The following ADD3 variants were observed in gnomAD, a reference collection of about 807,000 sequenced individuals.
ADD3 encodes the protein gamma-adducin.
A neutral mutation model predicts 80.2 loss-of-function variants in ADD3; 25 were observed. The ratio of observed to expected loss-of-function variants is 0.31; its 90% confidence interval spans 0.23 to 0.44. The LOEUF is 0.44. Among genes scored for constraint, ADD3 ranks in the 20% least tolerant of loss-of-function variants. The probability of loss-of-function intolerance (pLI) is 1.00; values close to 1 mark genes in which losing one functional copy is unlikely to be tolerated. For synonymous variants in ADD3, 284 were observed against 289.6 expected (o/e 0.98, Z 0.20); for missense variants, 829 against 847.5 (o/e 0.98, Z 0.27).
Position 110,116,397 on chromosome 10 carries a change from A to G in ADD3, c.473A>G (p.Asn158Ser). 6.2e-7 allele frequency: 1 copy of G among 1,614,082 alleles called. No individual in the cohort carries two copies. Among genetic ancestry groups the G allele is most frequent in the Non-Finnish European group, 8.5e-7 (1 of 1,179,968 alleles). Residue 158 changes from asparagine to serine, a missense_variant, in exon 4 of 15, where the codon AAT becomes AGT. Physicochemically the swap from Asn to Ser is conservative, Grantham distance 46. Coordinates refer to ENST00000356080, the MANE Select transcript of ADD3 (RefSeq NM_016824.5). ...VDLFGWAHLA[N>S]TYISVRISKE... The stretch of plus-strand genomic sequence containing the variant: ...TTGTTTGGATGGGCACACCTGGCAA[A>G]TACCTATATCTCAGTGAGTTCTTCA...
At chr10:110,059,564 C>T (rs373968369) in intron 1 of ADD3, among the ~76,000 whole-genome samples, 1 of 151,180 alleles carries the variant, frequency 6.6e-6, no homozygotes, top group African/African-American at 2.4e-5. Context: ...AGTTCGAGAA[C>T]AGCCTGGCCA....
At chr10:110,117,125 G>A (rs1381427719) in intron 4 of ADD3, among the ~76,000 whole-genome samples, 1 of 152,038 alleles carries the variant, frequency 6.6e-6, no homozygotes, top group Non-Finnish European at 1.5e-5. Context: ...ACACTTTTAG[G>A]TAAGTCCAGT....
At chr10:110,117,553 A>G (rs1850892305) in intron 5 of ADD3, 131 bp downstream of exon 5, 2 of 603,902 alleles carry the variant, frequency 3.3e-6, no homozygotes, top group Non-Finnish European at 5.9e-6. Context: ...AGTGAAGGGA[A>G]TTTGAACTAT....
chr10:110,075,907 T>A (rs1455694166), intron 1 of ADD3, among the ~76,000 whole-genome samples: 2 of 152,180 alleles, frequency 1.3e-5, no homozygotes, highest in Non-Finnish European at 2.9e-5. Flanking sequence ...CAACAGCCCC[T>A]CACTAGGGTC....
intron 1 of ADD3, among the ~76,000 whole-genome samples, chr10:110,031,188 C>T (rs1854973877): frequency 6.6e-6 from 1 of 152,174 alleles, no homozygotes; most frequent in African/African-American, 2.4e-5. Context: ...GCAGGAGAAT[C>T]CCTTGAACCC....
At chr10:110,121,589 A>C (rs1851506172) in intron 8 of ADD3, among the ~76,000 whole-genome samples, 2 of 152,218 alleles carry the variant, frequency 1.3e-5, no homozygotes, top group African/African-American at 2.4e-5. Context: ...ACTAAAAAAA[A>C]ACTTTTTCTA....
chr10:110,051,150 TAAACTC>T (rs1479026349), intron 1 of ADD3, among the ~76,000 whole-genome samples: 7 of 152,074 alleles, frequency 4.6e-5, no homozygotes, highest in African/African-American at 1.2e-4. Flanking sequence ...CATACAAAAA[TAAACTC>T]AAAATGGATC....
At chr10:110,041,787 A>G (rs1001882965) in intron 1 of ADD3, among the ~76,000 whole-genome samples, 11 of 152,208 alleles carry the variant, frequency 7.2e-5, no homozygotes, top group African/African-American at 2.7e-4. Flanking sequence ...GTTACTTGCA[A>G]TAGATACCTG....
intron 1 of ADD3, among the ~76,000 whole-genome samples, chr10:110,008,575 G>A (rs992123188): frequency 6.6e-6 from 1 of 152,172 alleles, no homozygotes; most frequent in Admixed American, 6.5e-5. Context: ...CGGCGCCGCC[G>A]GGTGGGCCCG....
intron 1 of ADD3, among the ~76,000 whole-genome samples, chr10:110,068,295 C>A (rs1334364135): frequency 6.6e-6 from 1 of 152,184 alleles, no homozygotes; most frequent in South Asian, 2.1e-4. Context: ...ACCTCCCCCC[C>A]TCCTTTCTCT....
chr10:110,126,452 A>G lies in ADD3; in HGVS notation c.1557A>G (p.Ala519=). Residue 519 remains alanine (A), a synonymous_variant, in exon 12 of 15, where the codon GCA becomes GCG. Coordinates refer to ENST00000356080, the MANE Select transcript of ADD3 (RefSeq NM_016824.5). ...REQNRYDLKT[A]GPQSQLLAGI... Reference sequence around the variant, plus strand: ...AAAATCGATATGACTTGAAAACAGCAGGACCACAATCTCAGTTGCTTGCTG... The same window carrying G: ...AAAATCGATATGACTTGAAAACAGCGGGACCACAATCTCAGTTGCTTGCTG... 6.2e-7 allele frequency: 1 copy of G among 1,613,746 alleles called. No homozygotes were observed. Among genetic ancestry groups the G allele is most frequent in the Non-Finnish European group, 8.5e-7 (1 of 1,179,948 alleles).
chr10:110,028,115 C>T (rs1854525042), intron 1 of ADD3, among the ~76,000 whole-genome samples: 1 of 152,124 alleles, frequency 6.6e-6, no homozygotes, highest in African/African-American at 2.4e-5. Context: ...TATGAGATGA[C>T]ATACGTAAAG....
upstream of ADD3, among the ~76,000 whole-genome samples, chr10:110,005,072 T>A (rs918567304): frequency 2.0e-5 from 3 of 151,434 alleles, no homozygotes; most frequent in African/African-American, 7.3e-5. Context: ...TTTTATTTTA[T>A]TTTTTTTTGA....
At chr10:110,093,420 C>T (rs1847792392) in intron 1 of ADD3, among the ~76,000 whole-genome samples, 1 of 152,122 alleles carries the variant, frequency 6.6e-6, no homozygotes, top group South Asian at 2.1e-4. Context: ...CAGCCCTCAA[C>T]TCTTTTAATA....
chr10:110,060,934 A>G (rs1463925994), intron 1 of ADD3, among the ~76,000 whole-genome samples: 1 of 152,232 alleles, frequency 6.6e-6, no homozygotes, highest in Non-Finnish European at 1.5e-5. Flanking sequence ...CACATTCTGT[A>G]TGACCTTAGA....
rs185480644 is a variant in ADD3 at position 110,100,668 on chromosome 10, C to T, written c.15C>T (p.Ala5=). ...AGACTTAAAACATGAGCTCAGATGC[C>T]AGCCAAGGCGTGATTACCACTCCTC... MSSD[A]SQGVITTPPP... is the part of the protein sequence containing the mutation. Residue 5 remains alanine (A), a synonymous_variant, in exon 2 of 15, where the codon GCC becomes GCT. Transcript: ENST00000356080. 7 of 1,608,342 alleles carry T rather than the reference C, an allele frequency of 4.4e-6. No individual in the cohort carries two copies. The Admixed American group carries it at 1.2e-4, about 27-fold the overall frequency.
At chr10:110,103,747 A>G (rs755364215) in intron 2 of ADD3, among the ~76,000 whole-genome samples, 5 of 152,112 alleles carry the variant, frequency 3.3e-5, no homozygotes, top group Admixed American at 2.0e-4. Context: ...TGCCCAGGCT[A>G]GTGTGCAGTG....
At chr10:110,083,907 C>T (rs1482868914) in intron 1 of ADD3, among the ~76,000 whole-genome samples, 1 of 152,094 alleles carries the variant, frequency 6.6e-6, no homozygotes, top group Non-Finnish European at 1.5e-5. Context: ...CAATAGAGAT[C>T]AAAAGTAGAC....
At position 110,133,322 on chromosome 10, in the gene ADD3, G is replaced by A. The variant is rs373955551; in HGVS notation, c.1829-4G>A. The stretch of plus-strand genomic sequence containing the variant: ...AACCCCCAAAAAACCCTCCCCTTTC[G>A]TAGAAAACCATGAGCTGTTTTCCAA... On this transcript the variant is annotated splice_polypyrimidine_tract_variant and splice_region_variant and intron_variant, in intron 14 of 14. Coordinates refer to ENST00000356080, the MANE Select transcript of ADD3 (RefSeq NM_016824.5). 344 of 1,566,168 alleles carry A rather than the reference G, an allele frequency of 2.2e-4. No individual in the cohort carries two copies. Among genetic ancestry groups the A allele is most frequent in the Non-Finnish European group, 2.7e-4 (313 of 1,150,252 alleles).
Sources: allele counts gnomAD v4.1 joint callset (sites outside exome capture counted in the v4.1 genomes callset), GRCh38; gene constraint gnomAD v4.1.1; transcripts MANE v1.5; gene names NCBI Gene and HGNC (gene_info 2026-07-23, HGNC 2026-07-21).